The following UBE2E2 variants were observed in gnomAD, a reference collection of about 807,000 sequenced individuals.
The protein encoded by UBE2E2 is ubiquitin-conjugating enzyme E2 E2.
UBE2E2 carries 6 observed loss-of-function variants against 24.7 expected under a neutral mutation model. The ratio of observed to expected loss-of-function variants is 0.24; its 90% CI spans 0.13 to 0.48. UBE2E2 has a LOEUF of 0.48. Ranked by LOEUF, UBE2E2 falls within the 20% of genes least tolerant of loss-of-function variation. The pLI is 0.99. For missense variants in UBE2E2, 169 were observed against 245.0 expected, an observed-to-expected ratio of 0.69 and a Z score of 2.07; for synonymous variants, 104 against 83.6, an observed-to-expected ratio of 1.24 and a Z score of -1.33.
At chr3:23,411,863 T>C (rs973925833) in intron 3 of UBE2E2, among the ~76,000 whole-genome samples, 37 of 152,186 alleles carry the variant, frequency 2.4e-4, no homozygotes, top group African/African-American at 8.7e-4. Flanking sequence ...GATGATTTGG[T>C]CAGTTTATGA....
chr3:23,289,793 A>G (rs1483386765), intron 3 of UBE2E2, among the ~76,000 whole-genome samples: 1 of 152,264 alleles, frequency 6.6e-6, no homozygotes, highest in African/African-American at 2.4e-5. Flanking sequence ...GGTGTCTACC[A>G]GTGACATTAC....
Position 23,299,434 on chromosome 3 carries a change from T to C in UBE2E2, c.227+82122T>C, listed in dbSNP as rs1475960086. Among the ~76,000 whole-genome samples the C allele has an allele frequency of 2.0e-5, 3 of 152,186 alleles. No homozygotes were observed. In the East Asian group the frequency reaches 5.8e-4, roughly 29 times the overall value. On this transcript the variant is annotated intron_variant, in intron 3 of 5. Coordinates refer to ENST00000396703, the MANE Select transcript of UBE2E2 (RefSeq NM_152653.4). ...TTGTGGGCATTTAGTGCTATAAATT[T>C]CCCTCTACACACTGCTTTGAATGTG...
intron 3 of UBE2E2, among the ~76,000 whole-genome samples, chr3:23,318,083 A>G (rs1370699144): frequency 2.6e-5 from 4 of 151,948 alleles, no homozygotes; most frequent in Admixed American, 6.6e-5. Flanking sequence ...TTTTGATTCT[A>G]ATGGATAATT....
At chr3:23,302,518 A>G (rs925775110) in intron 3 of UBE2E2, among the ~76,000 whole-genome samples, 3 of 152,108 alleles carry the variant, frequency 2.0e-5, no homozygotes, top group East Asian at 1.9e-4. Context: ...GCACACACCA[A>G]CCTCTCCTTT....
rs146197175 is a variant in UBE2E2, at chr3:23,542,940, G to A, written c.508+10239G>A. On this transcript the variant is annotated intron_variant, in intron 5 of 5. Coordinates refer to ENST00000396703, the MANE Select transcript of UBE2E2 (RefSeq NM_152653.4). Reference sequence around the variant, plus strand: ...TTGTCTCTTAATTAATATAAATGTCGACATGGATTAGCTGTTGATACAAAT... The same window carrying A: ...TTGTCTCTTAATTAATATAAATGTCAACATGGATTAGCTGTTGATACAAAT... 3.2e-3 allele frequency among the ~76,000 whole-genome samples: 487 copies of A among 152,170 alleles called. 11 individuals are homozygous for A. Among genetic ancestry groups the A allele is most frequent in the Non-Finnish European group, 6.6e-4 (45 of 68,020 alleles).
At chr3:23,330,773 TTACTATCC>T (rs1217206275) in intron 3 of UBE2E2, among the ~76,000 whole-genome samples, 1 of 152,204 alleles carries the variant, frequency 6.6e-6, no homozygotes, top group Non-Finnish European at 1.5e-5. Flanking sequence ...ACAGATCGAA[TTACTATCC>T]TAGGCTCAGA....
chr3:23,573,096 C>G (rs574686788), intron 5 of UBE2E2, among the ~76,000 whole-genome samples: 1 of 152,148 alleles, frequency 6.6e-6, no homozygotes, highest in Admixed American at 6.5e-5. Flanking sequence ...AGATATCAAA[C>G]CCTACTATAA....
chr3:23,278,696 A>G lies in UBE2E2; in HGVS notation c.227+61384A>G, dbSNP rs185381246. ...TAAATGTACCTTTCAAAACGTATTGAGCAATCATGTAACTACATTAAATTA... is the reference window on the plus strand; with the variant it reads ...TAAATGTACCTTTCAAAACGTATTGGGCAATCATGTAACTACATTAAATTA... On this transcript the variant is annotated intron_variant, in intron 3 of 5. Transcript: ENST00000396703. Among the ~76,000 whole-genome samples the G allele has an allele frequency of 5.3e-3, 804 of 152,280 alleles. 5 individuals carry two copies. Among genetic ancestry groups the G allele is most frequent in the Non-Finnish European group, 8.6e-3 (584 of 67,986 alleles).
At chr3:23,441,247 G>A (rs1008947685) in intron 3 of UBE2E2, among the ~76,000 whole-genome samples, 3 of 151,870 alleles carry the variant, frequency 2.0e-5, no homozygotes, top group Middle Eastern at 3.4e-3. Context: ...AAGGCCGGGC[G>A]CAGTGGCTCA....
In UBE2E2 at chr3:23,445,098, G is replaced by A. The variant is rs547639795; in HGVS notation, c.228-54510G>A. ...TGGTTGTCATCAGTCTCTTTCATTGGCAGTTTACGCATTTAGCAATAGCTT... is the reference window on the plus strand; with the variant it reads ...TGGTTGTCATCAGTCTCTTTCATTGACAGTTTACGCATTTAGCAATAGCTT... On this transcript the variant is annotated intron_variant, in intron 3 of 5. Coordinates refer to ENST00000396703, the MANE Select transcript of UBE2E2 (RefSeq NM_152653.4). Among the ~76,000 whole-genome samples the A allele has an allele frequency of 6.6e-5, 10 of 152,116 alleles. 1 individual carries two copies. The South Asian group carries it at 1.9e-3, about 28-fold the overall frequency.
intron 5 of UBE2E2, among the ~76,000 whole-genome samples, chr3:23,565,050 T>G (rs1696034625): frequency 6.6e-6 from 1 of 152,128 alleles, no homozygotes; most frequent in South Asian, 2.1e-4. Context: ...CGAAAATTCC[T>G]CCTTGTCAAA....
chr3:23,490,935 C>T (rs1263529033), intron 3 of UBE2E2, among the ~76,000 whole-genome samples: 1 of 151,888 alleles, frequency 6.6e-6, no homozygotes, highest in Non-Finnish European at 1.5e-5. Flanking sequence ...AATATCATTC[C>T]CATTTATTAA....
At chr3:23,349,379 G>A (rs1695656781) in intron 3 of UBE2E2, among the ~76,000 whole-genome samples, 1 of 152,208 alleles carries the variant, frequency 6.6e-6, no homozygotes, top group Non-Finnish European at 1.5e-5. Context: ...CAGACAGTGG[G>A]CACAGGACAG....
At position 23,240,693 on chromosome 3, in the gene UBE2E2, G is replaced by A. The variant is rs1043354674; in HGVS notation, c.227+23381G>A. 8.5e-5 allele frequency among the ~76,000 whole-genome samples: 13 copies of A among 152,290 alleles called. 2 individuals carry two copies. The highest frequency in any genetic ancestry group is 2.0e-4 in the Admixed American group (3 of 15,298). ...TACATTGAATATAGGGATGAATTAA[G>A]CCCTTTGTATTGTTGAGCTGTGATT... On this transcript the variant is annotated intron_variant, in intron 3 of 5. Transcript: ENST00000396703.
intron 3 of UBE2E2, among the ~76,000 whole-genome samples, chr3:23,420,479 G>A (rs1007024550): frequency 1.3e-5 from 2 of 152,188 alleles, no homozygotes; most frequent in Non-Finnish European, 2.9e-5. Context: ...AAATATAGGT[G>A]TTAGAAATGA....
At position 23,501,322 on chromosome 3, in the gene UBE2E2, G is replaced by C. The variant is rs1276518812; in HGVS notation, c.360+1582G>C. ...GATTAAACAAAGCTAGAATAAGCTG[G>C]GGGGAGAGAGTCAAATCGCATTCTT... On this transcript the variant is annotated intron_variant, in intron 4 of 5. Coordinates refer to ENST00000396703, the MANE Select transcript of UBE2E2 (RefSeq NM_152653.4). Among the ~76,000 whole-genome samples the C allele has an allele frequency of 4.0e-5, 6 of 151,684 alleles. No homozygotes were observed. In the South Asian group the frequency reaches 1.3e-3, roughly 32 times the overall value.
At chr3:23,484,798 C>T (rs1699327631) in intron 3 of UBE2E2, among the ~76,000 whole-genome samples, 1 of 152,076 alleles carries the variant, frequency 6.6e-6, no homozygotes, top group Non-Finnish European at 1.5e-5. Flanking sequence ...AGGGGAACTG[C>T]CCTTTATAAA....
At chr3:23,526,271 ATTATAACCT>A (rs1216625890) in intron 4 of UBE2E2, among the ~76,000 whole-genome samples, 2 of 152,238 alleles carry the variant, frequency 1.3e-5, no homozygotes, top group Admixed American at 1.3e-4. Context: ...GTGAAATAAT[ATTATAACCT>A]GTAGGAAAAT....
At chr3:23,578,105 A>T (rs1696389491) in intron 5 of UBE2E2, among the ~76,000 whole-genome samples, 1 of 152,186 alleles carries the variant, frequency 6.6e-6, no homozygotes, top group South Asian at 2.1e-4. Flanking sequence ...ACAAGAAAAA[A>T]AATTTAAAAG....
Sources: allele counts gnomAD v4.1 joint callset (sites outside exome capture counted in the v4.1 genomes callset), GRCh38; gene constraint gnomAD v4.1.1; transcripts MANE v1.5; gene names NCBI Gene and HGNC (gene_info 2026-07-23, HGNC 2026-07-21).